Variants in EFHB observed in about 807,000 individuals in gnomAD.
EFHB encodes the protein EF-hand domain-containing family member B.
A neutral mutation model predicts 87.2 loss-of-function variants in EFHB; 91 were observed. That is an observed-to-expected ratio of 1.04 (90% CI 0.88 to 1.24). The LOEUF is 1.24. Among genes scored for constraint, EFHB ranks in the 50% most tolerant of loss-of-function variants. EFHB has a pLI of 0.00. For missense variants in EFHB, 1,084 were observed against 998.8 expected, an observed-to-expected ratio of 1.09 and a Z score of -1.15; for synonymous variants, 325 against 333.6, an observed-to-expected ratio of 0.97 and a Z score of 0.28.
In EFHB at chr3:19,928,408, C is replaced by T. The variant is rs1050890174; in HGVS notation, c.789+4822G>A. 7.9e-5 allele frequency among the ~76,000 whole-genome samples: 12 copies of T among 152,196 alleles called. No homozygotes were observed. The East Asian group carries it at 2.3e-3, about 29-fold the overall frequency. ...CACAAAATCACATGTAATAGTGAAACATTATAATCATTCCCATCAAAATCA... is the reference window on the plus strand; with the variant it reads ...CACAAAATCACATGTAATAGTGAAATATTATAATCATTCCCATCAAAATCA... On this transcript the variant is annotated intron_variant, in intron 1 of 12. Coordinates refer to ENST00000295824, the MANE Select transcript of EFHB (RefSeq NM_144715.4).
At chr3:19,887,741 G>T (rs1694156276) in intron 10 of EFHB, among the ~76,000 whole-genome samples, 2 of 152,258 alleles carry the variant, frequency 1.3e-5, no homozygotes, top group South Asian at 2.1e-4. Context: ...TTGAACCAAG[G>T]GTTGGACAAG....
At chr3:19,882,032 TA>T (rs2125121691) in intron 12 of EFHB, among the ~76,000 whole-genome samples, 1 of 131,648 alleles carries the variant, frequency 7.6e-6, no homozygotes, top group South Asian at 2.4e-4. Flanking sequence ...AATAAATAAA[TA>T]AATAAATAAA....
rs1695924292 is a variant in EFHB, at chr3:19,933,814, C to A, written c.205G>T (p.Gly69Trp). ...TGTCTTTCTAATCCCATTTCAAGCC[C>A]CTTGCTCAATGGAAATTTTGTTTCT... ...PPETKFPLSK[G>W]LEMGLERQNI... Residue 69 changes from glycine (G) to tryptophan (W), a missense_variant, in exon 1 of 13, where the codon GGG (glycine) becomes TGG (tryptophan). Transcript: ENST00000295824. 1 of 1,613,968 alleles carries A rather than the reference C, an allele frequency of 6.2e-7. No homozygotes were observed. The highest frequency in any genetic ancestry group is 8.5e-7 in the Non-Finnish European group (1 of 1,179,884).
intron 1 of EFHB, among the ~76,000 whole-genome samples, chr3:19,939,522 C>T (rs927486646): frequency 2.0e-5 from 3 of 151,418 alleles, no homozygotes; most frequent in Non-Finnish European, 4.4e-5. Context: ...GTAGCTGGGA[C>T]TACAGGCGCC....
intron 1 of EFHB, among the ~76,000 whole-genome samples, chr3:19,928,934 T>C (rs2125162933): frequency 6.6e-6 from 1 of 151,982 alleles, no homozygotes; most frequent in South Asian, 2.1e-4. Flanking sequence ...TAAGCAATTA[T>C]GACTAATAAG....
chr3:19,884,620 A>C lies in EFHB; in HGVS notation c.1934-5T>G. The C allele has an allele frequency of 6.2e-7, 1 of 1,609,484 alleles. No homozygotes were observed. The highest frequency in any genetic ancestry group is 8.5e-7 in the Non-Finnish European group (1 of 1,178,570). On this transcript the variant is annotated splice_region_variant and splice_polypyrimidine_tract_variant and intron_variant, in intron 10 of 12. Transcript: ENST00000295824. Reference sequence around the variant, plus strand: ...TTACACAATCTGGTTTTCTACCTTTAAGGAAAATAAATGAAAGAAAAAATG... The same window carrying C: ...TTACACAATCTGGTTTTCTACCTTTCAGGAAAATAAATGAAAGAAAAAATG...
Position 19,944,646 on chromosome 3 carries a change from T to C in EFHB, c.-32+2273A>G, listed in dbSNP as rs566621069. On this transcript the variant is annotated intron_variant, in intron 1 of 14. Transcript: ENST00000344838. ...AACATTATGACTAAACTGTAAAATATTGTGAAAAGTATTCATGAAGGAGGT... is the reference window on the plus strand; with the variant it reads ...AACATTATGACTAAACTGTAAAATACTGTGAAAAGTATTCATGAAGGAGGT... Among the ~76,000 whole-genome samples, 11 of 152,302 alleles carry C rather than the reference T, an allele frequency of 7.2e-5. No homozygotes were observed. In the East Asian group the frequency reaches 1.5e-3, roughly 21 times the overall value.
At chr3:19,912,514 A>G (rs1695097698) in intron 5 of EFHB, among the ~76,000 whole-genome samples, 1 of 152,164 alleles carries the variant, frequency 6.6e-6, no homozygotes, top group South Asian at 2.1e-4. Flanking sequence ...ATGAATAATC[A>G]CCTGAAGGTG....
intron 9 of EFHB, among the ~76,000 whole-genome samples, chr3:19,893,779 G>A (rs548995825): frequency 6.6e-6 from 1 of 152,118 alleles, no homozygotes; most frequent in Non-Finnish European, 1.5e-5. Flanking sequence ...ATTCCACAAG[G>A]TGAGCAAATA....
chr3:19,913,600 G>T (rs1695131534), intron 5 of EFHB, among the ~76,000 whole-genome samples: 1 of 152,150 alleles, frequency 6.6e-6, no homozygotes, highest in South Asian at 2.1e-4. Flanking sequence ...AATCAATATT[G>T]TTAAAATGTC....
chr3:19,913,534 G>T (rs533730351), intron 5 of EFHB, among the ~76,000 whole-genome samples: 16 of 152,252 alleles, frequency 1.1e-4, no homozygotes, highest in African/African-American at 3.6e-4. Context: ...ACTGATGAAA[G>T]AAATTGAGCA....
chr3:19,938,439 A>G (rs545617486), upstream of EFHB, among the ~76,000 whole-genome samples: 2 of 152,342 alleles, frequency 1.3e-5, no homozygotes, highest in African/African-American at 4.8e-5. Context: ...TTTGAAATGC[A>G]TAAAGTGTTG....
At chr3:19,900,820 T>C (rs1694644955) in intron 6 of EFHB, among the ~76,000 whole-genome samples, 1 of 151,768 alleles carries the variant, frequency 6.6e-6, no homozygotes, top group Admixed American at 6.6e-5. Flanking sequence ...TCCCAGGTAC[T>C]TGGGAGGCTG....
At chr3:19,937,479 C>T (rs2929347), upstream of EFHB, among the ~76,000 whole-genome samples, 93,032 of 151,758 alleles carry the variant, frequency 0.61, 28,877 homozygotes, top group Non-Finnish European at 0.65. Flanking sequence ...AGGAGAGCAC[C>T]GAGATCATCA....
chr3:19,940,698 G>A, intron 1 of EFHB: 1 of 353,386 alleles, frequency 2.8e-6, no homozygotes, highest in Non-Finnish European at 5.7e-6. Flanking sequence ...TCTTTTTCCT[G>A]TACTCTTGTG....
chr3:19,896,549 C>T (rs1456253456), intron 9 of EFHB, 138 bp downstream of exon 9: 1 of 1,135,960 alleles, frequency 8.8e-7, no homozygotes, highest in South Asian at 1.2e-5. Context: ...GATTGTGTTC[C>T]AGTAAAACTT....
intron 4 of EFHB, among the ~76,000 whole-genome samples, chr3:19,917,296 G>A (rs1164392813): frequency 1.3e-5 from 2 of 151,518 alleles, no homozygotes; most frequent in African/African-American, 2.4e-5. Context: ...TTAATCTACT[G>A]TAAAATACAT....
In EFHB at chr3:19,888,496, G is replaced by T. The variant is rs1043405454; in HGVS notation, c.1881C>A (p.Asn627Lys). The T allele has an allele frequency of 1.3e-6, 2 of 1,572,780 alleles. No homozygotes were observed. Among genetic ancestry groups the T allele is most frequent in the African/African-American group, 2.7e-5 (2 of 74,162 alleles). The change falls in exon 10 of 13, where the codon AAC becomes AAA. Residue 627 changes from asparagine (N) to lysine (K), a missense_variant. Physicochemically the swap from Asn to Lys is moderately conservative, Grantham distance 94 (BLOSUM62 0). Transcript: ENST00000295824. ...CTTTAAGAAGCATTTTGTCTTTCCA[G>T]TTAAGAAAATTTGCGAATTCCAGAT... ...INYLEFANFL[N>K]WKDKMLLKEY...
In EFHB at chr3:19,917,240, AAT is replaced by A. The variant is rs893645563; in HGVS notation, c.1177+990_1177+991del. On this transcript the variant is annotated intron_variant, in intron 4 of 12. Coordinates refer to ENST00000295824, the MANE Select transcript of EFHB (RefSeq NM_144715.4). ...TAAATATATATAGTTTATAAATATA[AAT>A]ATATATGTTTCATATATATAGAAAC... is the stretch of plus-strand genomic sequence containing the variant. Among the ~76,000 whole-genome samples, 288 of 149,822 alleles carry A rather than the reference AAT, an allele frequency of 1.9e-3. 2 individuals are homozygous for A. Among genetic ancestry groups the A allele is most frequent in the African/African-American group, 6.6e-3 (271 of 41,126 alleles).
Sources: allele counts gnomAD v4.1 joint callset (sites outside exome capture counted in the v4.1 genomes callset), GRCh38; gene constraint gnomAD v4.1.1; transcripts MANE v1.5; gene names NCBI Gene and HGNC (gene_info 2026-07-23, HGNC 2026-07-21).